HS3ST4: variants seen among roughly 807,000 people sequenced by gnomAD.
HS3ST4 encodes heparan sulfate glucosamine 3-O-sulfotransferase 4.
HS3ST4 carries 17 observed loss-of-function variants against 29.2 expected under a neutral mutation model. The observed-to-expected ratio is 0.58, with a 90% CI of 0.40 to 0.87. HS3ST4 has a LOEUF of 0.87. Among genes scored for constraint, HS3ST4 ranks in the 40% least tolerant of loss-of-function variants. The pLI is 0.00. For synonymous variants in HS3ST4, 314 were observed against 285.7 expected, an observed-to-expected ratio of 1.10 and a Z score of -1.00; for missense variants, 627 against 634.5, an observed-to-expected ratio of 0.99 and a Z score of 0.13.
intron 1 of HS3ST4, among the ~76,000 whole-genome samples, chr16:25,750,801 C>T (rs1381251805): frequency 1.3e-5 from 2 of 152,208 alleles, no homozygotes; most frequent in African/African-American, 4.8e-5. Context: ...CACCCTCCTA[C>T]TTCATTTTCC....
intron 1 of HS3ST4, among the ~76,000 whole-genome samples, chr16:26,092,825 C>T (rs1898873469): frequency 1.3e-5 from 2 of 152,152 alleles, no homozygotes; most frequent in Admixed American, 1.3e-4. Context: ...CGGGGAATTT[C>T]CCTTTCCTAG....
intron 1 of HS3ST4, among the ~76,000 whole-genome samples, chr16:25,766,465 A>G (rs1966819780): frequency 6.6e-6 from 1 of 152,228 alleles, no homozygotes; most frequent in African/African-American, 2.4e-5. Context: ...CCCAGAGAGA[A>G]GCGAATATAG....
chr16:25,811,624 G>A (rs1378676430), intron 1 of HS3ST4, among the ~76,000 whole-genome samples: 2 of 151,316 alleles, frequency 1.3e-5, no homozygotes, highest in African/African-American at 2.4e-5. Flanking sequence ...GTAGAGACGG[G>A]GTTTCTCCTT....
At chr16:25,783,317 C>T (rs527575770) in intron 1 of HS3ST4, among the ~76,000 whole-genome samples, 2 of 152,310 alleles carry the variant, frequency 1.3e-5, no homozygotes, top group East Asian at 1.9e-4. Context: ...TTTAAATGTA[C>T]TGCTGATTGC....
Position 25,692,663 on chromosome 16 carries a change from C to T in HS3ST4, c.246C>T (p.Pro82=), listed in dbSNP as rs1966262491. 3.0e-6 allele frequency: 4 copies of T among 1,339,058 alleles called. No individual in the cohort carries two copies. The highest frequency in any genetic ancestry group is 3.9e-6 in the Non-Finnish European group (4 of 1,037,728). 82.9% of individuals were successfully genotyped at this position (1,339,058 alleles called of 1,614,324 possible). The change falls in exon 1 of 2, where the codon CCC becomes CCT. Residue 82 remains proline, a synonymous_variant. Coordinates refer to ENST00000331351, the MANE Select transcript of HS3ST4 (RefSeq NM_006040.3). ...AGCCCCCGCCGAGCCCGCCGCCACC[C>T]TCTCTGCTGCCTACCCCCGTGCGCC... ...AAEPPPSPPP[P]SLLPTPVRLG... is the part of the protein sequence containing the mutation.
chr16:25,828,216 T>TC (rs1967240334), intron 1 of HS3ST4, among the ~76,000 whole-genome samples: 5 of 146,858 alleles, frequency 3.4e-5, no homozygotes, highest in African/African-American at 1.3e-4. Context: ...TTGCTTGCTT[T>TC]CTTTCCTTTC....
intron 1 of HS3ST4, among the ~76,000 whole-genome samples, chr16:25,704,310 C>T (rs185440950): frequency 2.6e-5 from 4 of 152,142 alleles, no homozygotes; most frequent in Non-Finnish European, 5.9e-5. Flanking sequence ...TAGTCTCCCC[C>T]AAAGGTTCCT....
At chr16:26,025,580 C>T (rs905687153) in intron 1 of HS3ST4, among the ~76,000 whole-genome samples, 7 of 152,126 alleles carry the variant, frequency 4.6e-5, no homozygotes, top group Non-Finnish European at 1.0e-4. Context: ...TGTGATGTGC[C>T]ACTGGTTCTT....
At chr16:25,886,110 G>T (rs1023443696) in intron 1 of HS3ST4, among the ~76,000 whole-genome samples, 1 of 131,554 alleles carries the variant, frequency 7.6e-6, no homozygotes, top group Non-Finnish European at 1.5e-5. Context: ...TCGGCACACT[G>T]CAGTGTCTGC....
chr16:26,113,616 G>T (rs1261294650), intron 1 of HS3ST4, among the ~76,000 whole-genome samples: 1 of 151,708 alleles, frequency 6.6e-6, no homozygotes, highest in African/African-American at 2.4e-5. Flanking sequence ...TGGGTGAGTG[G>T]GTGATATGAC....
At chr16:25,788,764 C>A (rs1379373664) in intron 1 of HS3ST4, among the ~76,000 whole-genome samples, 1 of 151,458 alleles carries the variant, frequency 6.6e-6, no homozygotes, top group East Asian at 1.9e-4. Flanking sequence ...GGTCTTGAAC[C>A]CCTGAGCTCA....
chr16:25,927,020 C>T (rs1205570559), intron 1 of HS3ST4, among the ~76,000 whole-genome samples: 1 of 152,060 alleles, frequency 6.6e-6, no homozygotes, highest in South Asian at 2.1e-4. Flanking sequence ...CGAGATTGTG[C>T]CGTTGCACTC....
intron 1 of HS3ST4, 129 bp downstream of exon 1, chr16:25,693,280 C>G (rs1381441143): frequency 2.0e-6 from 2 of 1,015,306 alleles, no homozygotes; most frequent in Non-Finnish European, 2.8e-6. Context: ...GAGGGCTCTG[C>G]AAACCCTGGC....
chr16:25,753,891 C>T (rs571944755), intron 1 of HS3ST4, among the ~76,000 whole-genome samples: 2 of 152,154 alleles, frequency 1.3e-5, no homozygotes, highest in Non-Finnish European at 1.5e-5. Context: ...TCTGACACAA[C>T]GGTAGGTATA....
intron 1 of HS3ST4, among the ~76,000 whole-genome samples, chr16:26,109,509 AGGACCTG>A (rs143682498): frequency 0.02 from 2,996 of 152,174 alleles, 100 homozygotes; most frequent in African/African-American, 0.067. Context: ...CAGTGTATCA[AGGACCTG>A]GGCATGGCTG....
chr16:25,736,929 A>G (rs1490653469), intron 1 of HS3ST4, among the ~76,000 whole-genome samples: 3 of 151,538 alleles, frequency 2.0e-5, no homozygotes, highest in African/African-American at 7.3e-5. Context: ...GCTCACTGCA[A>G]CCTCCACTTC....
chr16:26,021,693 C>A (rs1178292253), intron 1 of HS3ST4, among the ~76,000 whole-genome samples: 1 of 152,058 alleles, frequency 6.6e-6, no homozygotes, highest in Non-Finnish European at 1.5e-5. Context: ...GAGACAGAGT[C>A]TAGTTCCGTC....
intron 1 of HS3ST4, among the ~76,000 whole-genome samples, chr16:26,124,379 TA>T (rs1346722783): frequency 6.6e-6 from 1 of 152,194 alleles, no homozygotes; most frequent in Non-Finnish European, 1.5e-5. Context: ...CTTATTTCAG[TA>T]TAGTGACCTT....
At chr16:25,997,592 T>C (rs12932283) in intron 1 of HS3ST4, among the ~76,000 whole-genome samples, 4,802 of 152,304 alleles carry the variant, frequency 0.032, 122 homozygotes, top group Non-Finnish European at 0.045. Flanking sequence ...ATGATGTCCC[T>C]AGTAACCCTA....
Sources: gnomAD v4.1 joint callset for allele counts (sites outside exome capture counted in the v4.1 genomes callset) on GRCh38, gnomAD v4.1.1 for gene constraint, MANE v1.5 for transcripts, NCBI Gene and HGNC (gene_info 2026-07-23, HGNC 2026-07-21) for gene names.